The following CNST variants were observed in gnomAD, a reference collection of about 807,000 sequenced individuals.
The protein encoded by CNST is consortin.
Under a neutral mutation model 72.4 loss-of-function variants are expected in CNST, and 39 were observed. That is an observed-to-expected ratio of 0.54 (90% CI 0.42 to 0.70). CNST has a LOEUF of 0.70. Among genes scored for constraint, CNST ranks in the 30% least tolerant of loss-of-function variants. The pLI, the probability that CNST is intolerant of heterozygous loss-of-function variation, is 0.00. For missense variants in CNST, 871 were observed against 868.5 expected, an observed-to-expected ratio of 1.00 and a Z score of -0.04; for synonymous variants, 332 against 320.1, an observed-to-expected ratio of 1.04 and a Z score of -0.40.
intron 3 of CNST, among the ~76,000 whole-genome samples, chr1:246,628,756 G>A (rs1051787838): frequency 6.6e-6 from 1 of 152,134 alleles, no homozygotes; most frequent in African/African-American, 2.4e-5. Context: ...CTGGGAACTC[G>A]GTTTCAACAT....
At chr1:246,573,330 A>C (rs1221180212) in intron 1 of CNST, among the ~76,000 whole-genome samples, 3 of 152,228 alleles carry the variant, frequency 2.0e-5, no homozygotes, top group Admixed American at 6.5e-5. Context: ...GTGACTTGGA[A>C]GAAGATTGTC....
At chr1:246,584,989 A>C (rs1661041019) in intron 1 of CNST, among the ~76,000 whole-genome samples, 1 of 152,156 alleles carries the variant, frequency 6.6e-6, no homozygotes, top group Non-Finnish European at 1.5e-5. Flanking sequence ...GAGAGGATTG[A>C]CTTTAGTTTC....
chr1:246,663,503 G>A (rs1667226952), intron 10 of CNST, among the ~76,000 whole-genome samples: 1 of 152,090 alleles, frequency 6.6e-6, no homozygotes, highest in Non-Finnish European at 1.5e-5. Context: ...CACTTTGGGA[G>A]GCCAAGGCGG....
intron 1 of CNST, among the ~76,000 whole-genome samples, chr1:246,580,428 CT>C (rs145362034): frequency 8.6e-5 from 13 of 151,130 alleles, no homozygotes; most frequent in Non-Finnish European, 1.5e-4. Flanking sequence ...TACCAATATA[CT>C]TTTTTTTTAA....
chr1:246,660,528 C>T (rs1667039288), intron 10 of CNST, among the ~76,000 whole-genome samples, 194 bp downstream of exon 10: 1 of 152,162 alleles, frequency 6.6e-6, no homozygotes, highest in Non-Finnish European at 1.5e-5. Context: ...GAGTTCGAGA[C>T]AAGCCTGACC....
chr1:246,637,592 C>T (rs748163470), intron 6 of CNST, among the ~76,000 whole-genome samples: 4 of 152,142 alleles, frequency 2.6e-5, no homozygotes, highest in Non-Finnish European at 4.4e-5. Context: ...TTCTCATCCA[C>T]GACTGGTGGG....
chr1:246,629,346 T>C (rs1664631080), intron 3 of CNST, among the ~76,000 whole-genome samples: 1 of 152,164 alleles, frequency 6.6e-6, no homozygotes, highest in Non-Finnish European at 1.5e-5. Context: ...GGGAGATTTT[T>C]AAAGGGGAAA....
chr1:246,591,378 G>A, intron 1 of CNST, 134 bp from the exon 2 acceptor site: 1 of 654,642 alleles, frequency 1.5e-6, no homozygotes, highest in African/African-American at 1.8e-5. Context: ...TATGGTGAAA[G>A]GGAATGAACT....
intron 2 of CNST, among the ~76,000 whole-genome samples, chr1:246,598,794 C>T (rs1662061057): frequency 1.3e-5 from 2 of 152,176 alleles, no homozygotes; most frequent in Non-Finnish European, 2.9e-5. Flanking sequence ...CTGGCTAAGC[C>T]CCTGTAAGCA....
intron 8 of CNST, among the ~76,000 whole-genome samples, chr1:246,644,305 C>T (rs1178091728): frequency 7.0e-6 from 1 of 143,706 alleles, no homozygotes; most frequent in Admixed American, 7.6e-5. Flanking sequence ...AGGAGAATGG[C>T]GTGAACCCGG....
At chr1:246,663,657 T>C (rs936740837) in intron 10 of CNST, among the ~76,000 whole-genome samples, 1 of 152,056 alleles carries the variant, frequency 6.6e-6, no homozygotes, top group African/African-American at 2.4e-5. Flanking sequence ...GGAGAATTGC[T>C]TGAACCCAGG....
chr1:246,595,881 T>A (rs1407076810), intron 2 of CNST, among the ~76,000 whole-genome samples: 3 of 151,394 alleles, frequency 2.0e-5, no homozygotes, highest in African/African-American at 7.4e-5. Context: ...GGAAAAAAAA[T>A]GATAGTGCAG....
chr1:246,654,808 A>G (rs1475115906), intron 9 of CNST, among the ~76,000 whole-genome samples: 3 of 123,734 alleles, frequency 2.4e-5, no homozygotes, highest in Non-Finnish European at 3.3e-5. Flanking sequence ...ATCTATATGT[A>G]AATTGCTTAT....
intron 6 of CNST, among the ~76,000 whole-genome samples, chr1:246,637,375 C>T (rs1013597041): frequency 6.6e-6 from 1 of 152,186 alleles, no homozygotes; most frequent in Non-Finnish European, 1.5e-5. Context: ...AAGGAGGTGT[C>T]GGCAGGGAGA....
At chr1:246,596,372 T>C (rs1436896323) in intron 2 of CNST, among the ~76,000 whole-genome samples, 1 of 151,426 alleles carries the variant, frequency 6.6e-6, no homozygotes, top group Non-Finnish European at 1.5e-5. Flanking sequence ...GCACCCCAAC[T>C]TGGAGACAGA....
intron 1 of CNST, among the ~76,000 whole-genome samples, chr1:246,590,274 A>C (rs1661463201): frequency 6.6e-6 from 1 of 152,152 alleles, no homozygotes; most frequent in South Asian, 2.1e-4. Context: ...GACAGGACAG[A>C]AAGTTTCGCA....
At chr1:246,657,705 T>C (rs1160115160) in intron 9 of CNST, among the ~76,000 whole-genome samples, 2 of 152,170 alleles carry the variant, frequency 1.3e-5, no homozygotes, top group African/African-American at 4.8e-5. Context: ...CCCTCCCTGG[T>C]TGAGGCTGAG....
Position 246,603,650 on chromosome 1 carries a change from A to G in CNST, c.379+11709A>G, listed in dbSNP as rs183439184. Among the ~76,000 whole-genome samples, 30 of 152,344 alleles carry G rather than the reference A, an allele frequency of 2.0e-4. No individual in the cohort carries two copies. The East Asian group carries it at 5.6e-3, about 28-fold the overall frequency. On this transcript the variant is annotated intron_variant, in intron 2 of 10. Transcript: ENST00000366513. ...ATGAAAATAAATAAAATCCTAATAC[A>G]TGGTGTAACATGGATGAATCTTGAA...
At chr1:246,590,842 C>T (rs1397099044) in intron 1 of CNST, among the ~76,000 whole-genome samples, 1 of 146,354 alleles carries the variant, frequency 6.8e-6, no homozygotes, top group African/African-American at 2.5e-5. Context: ...TAAGAGTAGC[C>T]TAGAGTTAAC....
Sources: allele counts gnomAD v4.1 joint callset (sites outside exome capture counted in the v4.1 genomes callset), GRCh38; gene constraint gnomAD v4.1.1; transcripts MANE v1.5; gene names NCBI Gene and HGNC (gene_info 2026-07-23, HGNC 2026-07-21).